Variants in STK32B observed in about 807,000 individuals in gnomAD.
STK32B encodes serine/threonine-protein kinase 32B.
Under a neutral mutation model 52.6 loss-of-function variants are expected in STK32B, and 43 were observed. The observed-to-expected ratio is 0.82, with a 90% confidence interval of 0.64 to 1.05. The LOEUF (loss-of-function observed/expected upper bound fraction) is 1.05, where lower values mean the gene tolerates loss of function less well. Among genes scored for constraint, STK32B ranks in the 50% least tolerant of loss-of-function variants. The probability of loss-of-function intolerance (pLI) is 0.00; values close to 1 mark genes in which losing one functional copy is unlikely to be tolerated. For missense variants in STK32B, 621 were observed against 534.6 expected (o/e 1.16, Z -1.59); for synonymous variants, 238 against 204.3 (o/e 1.17, Z -1.41).
chr4:5,137,029 A>G (rs1294155347), intron 1 of STK32B, among the ~76,000 whole-genome samples: 1 of 152,234 alleles, frequency 6.6e-6, no homozygotes, highest in Non-Finnish European at 1.5e-5. Flanking sequence ...ACAATGTTAT[A>G]ACACTAATTA....
intron 3 of STK32B, among the ~76,000 whole-genome samples, chr4:5,219,233 G>C (rs775478025): frequency 1.2e-4 from 19 of 152,230 alleles, no homozygotes; most frequent in Non-Finnish European, 2.1e-4. Context: ...ACAGTCTTGG[G>C]GCAGATGCTG....
At chr4:5,188,550 T>A (rs1720926456) in intron 3 of STK32B, among the ~76,000 whole-genome samples, 1 of 152,156 alleles carries the variant, frequency 6.6e-6, no homozygotes, top group Non-Finnish European at 1.5e-5. Context: ...TTCGCTTCCT[T>A]CAGATCTCTG....
Position 5,411,194 on chromosome 4 carries a change from C to G in STK32B, c.473-5651C>G, listed in dbSNP as rs544085496. Among the ~76,000 whole-genome samples the G allele has an allele frequency of 2.6e-3, 397 of 152,290 alleles. 4 individuals are homozygous for G. The highest frequency in any genetic ancestry group is 7.6e-4 in the Non-Finnish European group (52 of 68,032). On this transcript the variant is annotated intron_variant, in intron 5 of 11. Coordinates refer to ENST00000282908, the MANE Select transcript of STK32B (RefSeq NM_018401.3). ...GGGACTACAGGTGCCCGCCACCATG[C>G]CCAGCTAATTTTTTGTATTTTTAGT... is the stretch of plus-strand genomic sequence containing the variant.
At chr4:5,231,937 ACACAG>A (rs1724302089) in intron 3 of STK32B, among the ~76,000 whole-genome samples, 1 of 152,220 alleles carries the variant, frequency 6.6e-6, no homozygotes, top group Non-Finnish European at 1.5e-5. Context: ...GGACAAAGAT[ACACAG>A]AAGAAAGGAT....
chr4:5,312,384 C>G (rs1284446598), intron 3 of STK32B, among the ~76,000 whole-genome samples: 2 of 151,204 alleles, frequency 1.3e-5, no homozygotes, highest in African/African-American at 4.9e-5. Context: ...TGTGCTGCAC[C>G]CATTAACTCG....
intron 3 of STK32B, among the ~76,000 whole-genome samples, chr4:5,268,685 T>C (rs942829014): frequency 5.3e-5 from 8 of 151,940 alleles, no homozygotes. Context: ...GGACCTTCTG[T>C]CCTGTTCACG....
intron 3 of STK32B, among the ~76,000 whole-genome samples, chr4:5,255,790 C>T (rs1726253477): frequency 6.6e-6 from 1 of 152,150 alleles, no homozygotes; most frequent in South Asian, 2.1e-4. Context: ...GCCTACTCTT[C>T]TACTATATGA....
At chr4:5,226,483 A>G (rs13123245) in intron 3 of STK32B, among the ~76,000 whole-genome samples, 35,085 of 152,152 alleles carry the variant, frequency 0.23, 5,101 homozygotes, top group Non-Finnish European at 0.33. Flanking sequence ...CCGTTCGGAA[A>G]AGCATGATGA....
At chr4:5,435,355 G>A (rs998826574) in intron 6 of STK32B, among the ~76,000 whole-genome samples, 2 of 152,070 alleles carry the variant, frequency 1.3e-5, no homozygotes, top group Non-Finnish European at 2.9e-5. Context: ...TTGCTGTCCC[G>A]GTGAGCCAGG....
intron 1 of STK32B, among the ~76,000 whole-genome samples, chr4:5,138,222 C>T (rs576029128): frequency 2.0e-5 from 3 of 152,328 alleles, no homozygotes; most frequent in South Asian, 4.1e-4. Flanking sequence ...ATTCTAAGCA[C>T]GTTAGGCATT....
intron 3 of STK32B, among the ~76,000 whole-genome samples, chr4:5,231,944 A>G (rs1411775556): frequency 1.3e-5 from 2 of 152,218 alleles, no homozygotes; most frequent in Admixed American, 6.5e-5. Flanking sequence ...GATACACAGA[A>G]GAAAGGATCC....
intron 3 of STK32B, among the ~76,000 whole-genome samples, chr4:5,229,253 T>A (rs1250102773): frequency 6.6e-6 from 1 of 150,678 alleles, no homozygotes; most frequent in African/African-American, 2.4e-5. Flanking sequence ...TCTGAAAAAA[T>A]TGGTCTCAAA....
At chr4:5,242,073 A>G (rs1725070615) in intron 3 of STK32B, among the ~76,000 whole-genome samples, 1 of 152,086 alleles carries the variant, frequency 6.6e-6, no homozygotes, top group Admixed American at 6.5e-5. Flanking sequence ...ATGATTTATA[A>G]CCCTTTGGGT....
chr4:5,068,026 G>A (rs1711533337), intron 1 of STK32B, among the ~76,000 whole-genome samples: 1 of 152,108 alleles, frequency 6.6e-6, no homozygotes, highest in African/African-American at 2.4e-5. Flanking sequence ...TTCAGCATGA[G>A]ATTTGGGCAG....
chr4:5,217,552 G>A (rs962528092), intron 3 of STK32B, among the ~76,000 whole-genome samples: 1 of 152,214 alleles, frequency 6.6e-6, no homozygotes, highest in African/African-American at 2.4e-5. Flanking sequence ...GTTAACATAT[G>A]GTTTCAATTA....
chr4:5,369,023 C>T (rs1735060284), intron 4 of STK32B, among the ~76,000 whole-genome samples: 2 of 152,094 alleles, frequency 1.3e-5, no homozygotes, highest in Admixed American at 6.5e-5. Context: ...TCGCACCCCA[C>T]AATCCCTGCC....
chr4:5,208,599 C>G (rs2108783365), intron 3 of STK32B, among the ~76,000 whole-genome samples: 1 of 152,282 alleles, frequency 6.6e-6, no homozygotes, highest in South Asian at 2.1e-4. Context: ...AGGCAAAATT[C>G]TGGCTTCAAA....
At chr4:5,076,022 C>T (rs905169027) in intron 1 of STK32B, among the ~76,000 whole-genome samples, 22 of 152,194 alleles carry the variant, frequency 1.4e-4, no homozygotes, top group African/African-American at 5.3e-4. Flanking sequence ...GCTGAATTAA[C>T]ATGGACTAAG....
chr4:5,208,712 G>A (rs906245101), intron 3 of STK32B, among the ~76,000 whole-genome samples: 4 of 152,016 alleles, frequency 2.6e-5, no homozygotes, highest in Non-Finnish European at 4.4e-5. Flanking sequence ...CGGTAGTCTC[G>A]GGGTCTCTTA....
Sources: gnomAD v4.1 joint callset for allele counts (sites outside exome capture counted in the v4.1 genomes callset) on GRCh38, gnomAD v4.1.1 for gene constraint, MANE v1.5 for transcripts, NCBI Gene and HGNC (gene_info 2026-07-23, HGNC 2026-07-21) for gene names.